Variants in PABPC4L observed in about 807,000 individuals in gnomAD.
PABPC4L encodes the protein poly(A) binding protein cytoplasmic 4 like, also known as polyadenylate-binding protein 4-like.
For missense variants in PABPC4L, 452 were observed against 451.4 expected, an observed-to-expected ratio of 1.00 and a Z score of -0.01; for synonymous variants, 169 against 164.1, an observed-to-expected ratio of 1.03 and a Z score of -0.23.
At chr4:134,147,465 A>C in the PABPC4L span, among the ~76,000 whole-genome samples, 14 of 152,232 alleles carry the variant, frequency 9.2e-5, no homozygotes, top group African/African-American at 3.4e-4. Context: ...TTTTGAGGAG[A>C]TGTGTGAAAT....
chr4:134,056,947 T>A, the PABPC4L span, among the ~76,000 whole-genome samples: 2 of 152,080 alleles, frequency 1.3e-5, no homozygotes, highest in East Asian at 3.9e-4. Flanking sequence ...CCATAGATAT[T>A]CTTGTCTTGT....
chr4:133,968,951 C>G, the PABPC4L span, among the ~76,000 whole-genome samples: 102 of 152,264 alleles, frequency 6.7e-4, 1 homozygote, highest in African/African-American at 2.3e-3. Context: ...AAAATCCTAA[C>G]TCAAACTAGA....
the PABPC4L span, among the ~76,000 whole-genome samples, chr4:134,168,168 G>A: frequency 3.8e-3 from 572 of 152,048 alleles, 2 homozygotes; most frequent in African/African-American, 0.013. Flanking sequence ...ACATTCTCTT[G>A]ACTGAGCATT....
At chr4:134,152,880 G>A in the PABPC4L span, among the ~76,000 whole-genome samples, 1 of 152,170 alleles carries the variant, frequency 6.6e-6, no homozygotes, top group Admixed American at 6.5e-5. Flanking sequence ...ACTCATGGTA[G>A]AAGGAAAAGG....
chr4:134,136,435 T>C, the PABPC4L span, among the ~76,000 whole-genome samples: 1 of 152,122 alleles, frequency 6.6e-6, no homozygotes, highest in African/African-American at 2.4e-5. Context: ...GAAAGAACTA[T>C]GATAATTTTT....
chr4:133,972,005 A>C, the PABPC4L span, among the ~76,000 whole-genome samples: 39 of 152,280 alleles, frequency 2.6e-4, no homozygotes, highest in African/African-American at 8.9e-4. Flanking sequence ...CCAACATTCA[A>C]ATAATTTCTT....
chr4:134,063,124 G>A, the PABPC4L span, among the ~76,000 whole-genome samples: 35 of 152,138 alleles, frequency 2.3e-4, no homozygotes, highest in African/African-American at 8.4e-4. Context: ...TCAGACCAAG[G>A]TCCAGGAAAG....
chr4:134,155,944 G>T, the PABPC4L span, among the ~76,000 whole-genome samples: 1 of 152,078 alleles, frequency 6.6e-6, no homozygotes, highest in African/African-American at 2.4e-5. Flanking sequence ...CCCTTTAGCA[G>T]AAATGTTGAA....
the PABPC4L span, among the ~76,000 whole-genome samples, chr4:134,060,245 A>G: frequency 6.6e-6 from 1 of 151,972 alleles, no homozygotes; most frequent in East Asian, 2.0e-4. Context: ...GGGGTACTAC[A>G]TAAACTAGAA....
the PABPC4L span, among the ~76,000 whole-genome samples, chr4:134,095,566 C>G: frequency 6.6e-6 from 1 of 151,898 alleles, no homozygotes; most frequent in East Asian, 1.9e-4. Context: ...CATATTGCAT[C>G]CTTGGCCTAA....
chr4:134,192,688 A>G (rs1729544920), downstream of PABPC4L, among the ~76,000 whole-genome samples: 1 of 152,154 alleles, frequency 6.6e-6, no homozygotes, highest in African/African-American at 2.4e-5. Flanking sequence ...GATGATGACA[A>G]TAAGTACACT....
the PABPC4L span, among the ~76,000 whole-genome samples, chr4:134,056,672 T>G: frequency 6.6e-6 from 1 of 152,140 alleles, no homozygotes; most frequent in South Asian, 2.1e-4. Flanking sequence ...TTTTTTAATT[T>G]TAGTATCCAC....
At chr4:134,016,940 T>C in the PABPC4L span, among the ~76,000 whole-genome samples, 1 of 152,054 alleles carries the variant, frequency 6.6e-6, no homozygotes. Flanking sequence ...AACTAAAATA[T>C]CTCTTAGTCT....
chr4:133,958,250 A>T, the PABPC4L span, among the ~76,000 whole-genome samples: 1 of 152,254 alleles, frequency 6.6e-6, no homozygotes, highest in East Asian at 1.9e-4. Flanking sequence ...ATGCCTCCAA[A>T]CCCAATGCTA....
the PABPC4L span, among the ~76,000 whole-genome samples, chr4:133,975,058 A>G: frequency 6.6e-6 from 1 of 152,178 alleles, no homozygotes; most frequent in African/African-American, 2.4e-5. Context: ...TATTCATAGC[A>G]TCATTATTCA....
At chr4:134,121,827 T>TGTACTCCAA in the PABPC4L span, among the ~76,000 whole-genome samples, 1 of 151,798 alleles carries the variant, frequency 6.6e-6, no homozygotes. Flanking sequence ...ATTGCATCCT[T>TGTACTCCAA]GTACTCCAAT....
the PABPC4L span, among the ~76,000 whole-genome samples, chr4:134,180,067 T>A: frequency 6.6e-6 from 1 of 152,058 alleles, no homozygotes; most frequent in Non-Finnish European, 1.5e-5. Context: ...TCAACAGGAC[T>A]CTTCATCCAA....
At position 134,199,599 on chromosome 4, in the gene PABPC4L, T is replaced by C. The variant is rs768397840; in HGVS notation, c.*308A>G. ...TAAATATGCAATAAATTCAAATAAT[T>C]ACCTCATTTCATTTGGTTCAAATGT... On this transcript the variant is annotated 3_prime_UTR_variant, in exon 2 of 2. Transcript: ENST00000421491. 1.0e-3 allele frequency: 213 copies of C among 211,618 alleles called. No individual in the cohort carries two copies. Among genetic ancestry groups the C allele is most frequent in the Non-Finnish European group, 1.4e-3 (147 of 108,810 alleles). The allele number at this position is 211,618 out of a possible 1,614,324, so 13.1% of individuals were successfully genotyped here.
the PABPC4L span, among the ~76,000 whole-genome samples, chr4:134,063,981 A>T: frequency 2.0e-5 from 3 of 152,194 alleles, no homozygotes; most frequent in East Asian, 1.9e-4. Flanking sequence ...CCTGAAAATT[A>T]TTCCTAAAAC....
Sources: gnomAD v4.1 joint callset for allele counts (sites outside exome capture counted in the v4.1 genomes callset) on GRCh38, gnomAD v4.1.1 for gene constraint, MANE v1.5 for transcripts, NCBI Gene and HGNC (gene_info 2026-07-23, HGNC 2026-07-21) for gene names.